Variants in SCOC observed in about 807,000 individuals in gnomAD.
The protein encoded by SCOC is short coiled-coil protein.
Under a neutral mutation model 9.9 loss-of-function variants are expected in SCOC, and 7 were observed. That is an observed-to-expected ratio of 0.71 (90% CI 0.40 to 1.33). SCOC has a LOEUF of 1.33. Ranked by LOEUF, SCOC falls within the 40% of genes most tolerant of loss-of-function variation. The probability of loss-of-function intolerance (pLI) is 0.01; values close to 1 mark genes in which losing one functional copy is unlikely to be tolerated. For synonymous variants in SCOC, 19 were observed against 28.2 expected, an observed-to-expected ratio of 0.67 and a Z score of 1.03; for missense variants, 66 against 89.7, an observed-to-expected ratio of 0.74 and a Z score of 1.07.
chr4:140,313,517 G>T (rs1732216364), intron 1 of SCOC, among the ~76,000 whole-genome samples: 1 of 152,186 alleles, frequency 6.6e-6, no homozygotes, highest in African/African-American at 2.4e-5. Flanking sequence ...CTCCCAAAGT[G>T]CTGGGATTAC....
intron 1 of SCOC, among the ~76,000 whole-genome samples, chr4:140,267,249 G>A (rs191854968): frequency 1.3e-5 from 2 of 152,296 alleles, no homozygotes; most frequent in East Asian, 3.9e-4. Context: ...GTTGACTGAT[G>A]CTGGAGATTT....
Position 140,381,096 on chromosome 4 carries a change from AGAAAG to A in SCOC, c.242_246del (p.Arg81IlefsTer4), listed in dbSNP as rs1473495410. 6.3e-7 allele frequency: 1 copy of A among 1,597,554 alleles called. No individual in the cohort carries two copies. Among genetic ancestry groups the A allele is most frequent in the Non-Finnish European group, 8.5e-7 (1 of 1,176,012 alleles). On this transcript the variant is annotated frameshift_variant, in exon 4 of 4. Transcript: ENST00000608372. LOFTEE classifies it high-confidence loss of function. ...TCAAACAACTGACACAAAAAGCAAAAGAAAGTAAGGGATTGACACCCTTCTGTTTT... is the reference window on the plus strand; with the variant it reads ...TCAAACAACTGACACAAAAAGCAAAATAAGGGATTGACACCCTTCTGTTTT...
intron 2 of SCOC, among the ~76,000 whole-genome samples, chr4:140,361,838 T>A (rs1727484043): frequency 6.6e-6 from 1 of 152,104 alleles, no homozygotes; most frequent in African/African-American, 2.4e-5. Flanking sequence ...TCTCCCAAAA[T>A]GAAAGCTACA....
chr4:140,359,884 G>T (rs371699145), intron 2 of SCOC, among the ~76,000 whole-genome samples: 1 of 152,164 alleles, frequency 6.6e-6, no homozygotes, highest in African/African-American at 2.4e-5. Context: ...CTCTTCCTCC[G>T]CATGGAACTC....
intron 1 of SCOC, among the ~76,000 whole-genome samples, chr4:140,281,664 T>TC (rs942947130): frequency 6.6e-6 from 1 of 152,094 alleles, no homozygotes; most frequent in African/African-American, 2.4e-5. Flanking sequence ...GCAGGTGGCC[T>TC]CCCCCGTATC....
chr4:140,263,046 A>G (rs1043066169), intron 1 of SCOC, among the ~76,000 whole-genome samples: 1 of 152,076 alleles, frequency 6.6e-6, no homozygotes, highest in African/African-American at 2.4e-5. Flanking sequence ...AATAACACCA[A>G]AGTGTTGATT....
chr4:140,312,587 T>C (rs962413985), intron 1 of SCOC, among the ~76,000 whole-genome samples: 2 of 152,140 alleles, frequency 1.3e-5, no homozygotes, highest in South Asian at 4.2e-4. Flanking sequence ...CCACCATGCC[T>C]GGCTAATTAA....
intron 1 of SCOC, among the ~76,000 whole-genome samples, chr4:140,262,570 G>C (rs575949034): frequency 4.7e-4 from 72 of 152,236 alleles, no homozygotes; most frequent in Non-Finnish European, 9.0e-4. Flanking sequence ...CTCAATGATA[G>C]TGGCTCCTTG....
chr4:140,271,782 A>C (rs560781463), intron 1 of SCOC, among the ~76,000 whole-genome samples: 1 of 152,290 alleles, frequency 6.6e-6, no homozygotes, highest in South Asian at 2.1e-4. Flanking sequence ...GTGCTAGGTG[A>C]TAGGGAGTTA....
At chr4:140,317,943 G>A (rs1246305864) in intron 1 of SCOC, among the ~76,000 whole-genome samples, 2 of 142,134 alleles carry the variant, frequency 1.4e-5, no homozygotes, top group Non-Finnish European at 3.0e-5. Flanking sequence ...GTGAGAATAT[G>A]CGGTGTTTGG....
At chr4:140,359,702 T>A (rs1727379663) in intron 2 of SCOC, among the ~76,000 whole-genome samples, 1 of 152,210 alleles carries the variant, frequency 6.6e-6, no homozygotes, top group Non-Finnish European at 1.5e-5. Context: ...TCTCATTCAA[T>A]ATGACATCAG....
intron 1 of SCOC, among the ~76,000 whole-genome samples, chr4:140,277,026 C>T (rs56000284): frequency 0.036 from 5,486 of 152,110 alleles, 116 homozygotes; most frequent in South Asian, 0.075. Flanking sequence ...TTGATAGGGA[C>T]CAAAAGAAAG....
chr4:140,290,135 A>G (rs1028675729), intron 1 of SCOC, among the ~76,000 whole-genome samples: 2 of 152,216 alleles, frequency 1.3e-5, no homozygotes, highest in African/African-American at 4.8e-5. Flanking sequence ...TAGGAATGAG[A>G]GCCCAGGGAA....
upstream of SCOC, chr4:140,373,513 C>A (rs1406726786): frequency 1.3e-6 from 2 of 1,551,660 alleles, no homozygotes; most frequent in Non-Finnish European, 1.7e-6. Flanking sequence ...TGAGATTGGA[C>A]GACTGGGGTG....
At chr4:140,378,872 A>G (rs1728453604) in intron 1 of SCOC, among the ~76,000 whole-genome samples, 2 of 152,094 alleles carry the variant, frequency 1.3e-5, no homozygotes, top group South Asian at 2.1e-4. Context: ...GCTAGTATTG[A>G]TCATTATCTC....
rs571128188 is a variant in SCOC, at chr4:140,329,131, C to T, written c.-18-14490C>T. Among the ~76,000 whole-genome samples the T allele has an allele frequency of 2.0e-5, 3 of 152,156 alleles. No homozygotes were observed. In the South Asian group the frequency reaches 6.2e-4, roughly 32 times the overall value. On this transcript the variant is annotated intron_variant, in intron 1 of 4. Coordinates refer to the SCOC transcript ENST00000394205. Reference sequence around the variant, plus strand: ...AGACCAGAGGAACAGAATAGAGAACCCAGAAATAAACCCAAATACTTACAG... The same window carrying T: ...AGACCAGAGGAACAGAATAGAGAACTCAGAAATAAACCCAAATACTTACAG...
chr4:140,373,516 C>T (rs1325570363), upstream of SCOC: 2 of 1,551,650 alleles, frequency 1.3e-6, no homozygotes, highest in Non-Finnish European at 1.7e-6. Flanking sequence ...GATTGGACGA[C>T]TGGGGTGAGG....
intron 1 of SCOC, among the ~76,000 whole-genome samples, chr4:140,375,607 C>A (rs955626542): frequency 6.6e-6 from 1 of 152,104 alleles, no homozygotes; most frequent in Admixed American, 6.5e-5. Flanking sequence ...GTAAGATGAT[C>A]GTCTTTGGTC....
At chr4:140,276,396 C>T (rs962578167) in intron 1 of SCOC, among the ~76,000 whole-genome samples, 1 of 152,134 alleles carries the variant, frequency 6.6e-6, no homozygotes, top group Non-Finnish European at 1.5e-5. Context: ...GCCTTGGCCT[C>T]CCAAAGTGCT....
Sources: allele counts gnomAD v4.1 joint callset (sites outside exome capture counted in the v4.1 genomes callset), GRCh38; gene constraint gnomAD v4.1.1; transcripts MANE v1.5; gene names NCBI Gene and HGNC (gene_info 2026-07-23, HGNC 2026-07-21).